Variants in CAMK1D observed in about 807,000 individuals in gnomAD.
The protein encoded by CAMK1D is calcium/calmodulin dependent protein kinase ID.
In CAMK1D, 9 loss-of-function variants were observed where a neutral mutation model predicts 47.7. The observed-to-expected ratio is 0.19, with a 90% CI of 0.11 to 0.33. CAMK1D has a LOEUF of 0.33. Among genes scored for constraint, CAMK1D ranks in the 10% least tolerant of loss-of-function variants. The pLI is 1.00. For missense variants in CAMK1D, 291 were observed against 488.7 expected (o/e 0.60, Z 3.81); for synonymous variants, 184 against 184.9 (o/e 0.99, Z 0.04).
At chr10:12,766,293 C>T (rs1836757618) in intron 4 of CAMK1D, among the ~76,000 whole-genome samples, 1 of 143,568 alleles carries the variant, frequency 7.0e-6, no homozygotes, top group Non-Finnish European at 1.5e-5. Flanking sequence ...CCGTGCCCTG[C>T]CATCCCCACC....
intron 2 of CAMK1D, among the ~76,000 whole-genome samples, chr10:12,646,834 T>A (rs574158697): frequency 6.6e-6 from 1 of 152,218 alleles, no homozygotes; most frequent in South Asian, 2.1e-4. Flanking sequence ...TTTATTTTTA[T>A]TTTTAATTTT....
intron 3 of CAMK1D, among the ~76,000 whole-genome samples, chr10:12,744,740 TAAAAA>T (rs10589773): frequency 7.3e-6 from 1 of 136,616 alleles, no homozygotes; most frequent in African/African-American, 2.6e-5. Context: ...AAATAAAAAT[TAAAAA>T]AAAAAAAAAG....
intron 1 of CAMK1D, among the ~76,000 whole-genome samples, chr10:12,393,397 C>T (rs1430868300): frequency 6.6e-6 from 1 of 152,140 alleles, no homozygotes; most frequent in Non-Finnish European, 1.5e-5. Flanking sequence ...TGGTGCTAGG[C>T]TCTCTGAGAG....
chr10:12,790,414 A>T (rs1837929541), intron 5 of CAMK1D, among the ~76,000 whole-genome samples: 1 of 152,228 alleles, frequency 6.6e-6, no homozygotes, highest in East Asian at 1.9e-4. Flanking sequence ...AGAAGGCCCT[A>T]AACAGAGGCC....
intron 3 of CAMK1D, among the ~76,000 whole-genome samples, chr10:12,747,522 C>T (rs367574643): frequency 2.6e-5 from 4 of 152,034 alleles, no homozygotes; most frequent in Admixed American, 2.6e-4. Context: ...AGGGGCTGGT[C>T]GTGCTATGTT....
intron 3 of CAMK1D, among the ~76,000 whole-genome samples, chr10:12,716,817 G>A (rs901374288): frequency 2.6e-5 from 4 of 152,100 alleles, no homozygotes; most frequent in Non-Finnish European, 4.4e-5. Context: ...ACTGCAATTC[G>A]TGATGGGAGT....
intron 2 of CAMK1D, among the ~76,000 whole-genome samples, chr10:12,645,963 G>T (rs1007018861): frequency 6.9e-6 from 1 of 144,748 alleles, no homozygotes; most frequent in Non-Finnish European, 1.5e-5. Context: ...CTCATAAATG[G>T]CTAGTTGTTT....
chr10:12,768,937 T>C (rs564756008), intron 4 of CAMK1D, among the ~76,000 whole-genome samples: 3 of 152,220 alleles, frequency 2.0e-5, no homozygotes, highest in African/African-American at 7.2e-5. Flanking sequence ...TGCAGAACTG[T>C]AGTGAAGACA....
At chr10:12,711,265 G>A (rs939703509) in intron 3 of CAMK1D, among the ~76,000 whole-genome samples, 2 of 152,142 alleles carry the variant, frequency 1.3e-5, no homozygotes, top group Non-Finnish European at 2.9e-5. Context: ...TGGTCATAGG[G>A]GACTGGAACG....
At chr10:12,439,947 CAAA>C (rs1447308334) in intron 1 of CAMK1D, among the ~76,000 whole-genome samples, 1 of 152,186 alleles carries the variant, frequency 6.6e-6, no homozygotes, top group Non-Finnish European at 1.5e-5. Flanking sequence ...AACCCCTTAT[CAAA>C]CCATCAGATC....
chr10:12,402,563 T>C (rs1181915812), intron 1 of CAMK1D, among the ~76,000 whole-genome samples: 1 of 152,184 alleles, frequency 6.6e-6, no homozygotes, highest in East Asian at 1.9e-4. Flanking sequence ...AACAGAAACA[T>C]GATTAGCTTT....
At chr10:12,597,450 A>G (rs1838176905) in intron 2 of CAMK1D, among the ~76,000 whole-genome samples, 1 of 152,090 alleles carries the variant, frequency 6.6e-6, no homozygotes, top group South Asian at 2.1e-4. Flanking sequence ...GCTGACTCCC[A>G]CAGACACGCT....
intron 3 of CAMK1D, among the ~76,000 whole-genome samples, chr10:12,677,715 TTGTC>T (rs1420513898): frequency 6.6e-6 from 1 of 151,990 alleles, no homozygotes; most frequent in Non-Finnish European, 1.5e-5. Context: ...ATGAGGGGCT[TTGTC>T]TGAGAGGAGG....
At chr10:12,821,138 G>A (rs1345531672) in intron 8 of CAMK1D, among the ~76,000 whole-genome samples, 1 of 152,194 alleles carries the variant, frequency 6.6e-6, no homozygotes, top group Non-Finnish European at 1.5e-5. Context: ...TGCAGCTCGA[G>A]TCCGAAGGCA....
At chr10:12,603,309 G>A (rs948560925) in intron 2 of CAMK1D, among the ~76,000 whole-genome samples, 3 of 152,086 alleles carry the variant, frequency 2.0e-5, no homozygotes, top group East Asian at 3.9e-4. Flanking sequence ...TGCCTGCTGC[G>A]TCCTGCTGGG....
intron 2 of CAMK1D, among the ~76,000 whole-genome samples, chr10:12,562,499 A>G (rs1167166929): frequency 6.6e-6 from 1 of 152,134 alleles, no homozygotes; most frequent in Non-Finnish European, 1.5e-5. Context: ...CACTACCTTA[A>G]TTCCAAAAAG....
At chr10:12,678,371 T>G (rs1276480925) in intron 3 of CAMK1D, among the ~76,000 whole-genome samples, 1 of 152,256 alleles carries the variant, frequency 6.6e-6, no homozygotes, top group Non-Finnish European at 1.5e-5. Context: ...ATTTCAGTCT[T>G]TTAAATTTTA....
At chr10:12,510,648 C>T (rs1835013732) in intron 1 of CAMK1D, among the ~76,000 whole-genome samples, 1 of 152,284 alleles carries the variant, frequency 6.6e-6, no homozygotes, top group South Asian at 2.1e-4. Flanking sequence ...ACCTCCGGGA[C>T]CCCCCTACGA....
At chr10:12,557,695 T>C (rs2815624) in intron 2 of CAMK1D, among the ~76,000 whole-genome samples, 122,174 of 152,080 alleles carry the variant, frequency 0.8, 50,263 homozygotes, top group Non-Finnish European at 0.9. Flanking sequence ...ATTTCCTGAC[T>C]GTTTGTTGAT....
Sources: gnomAD v4.1 joint callset for allele counts (sites outside exome capture counted in the v4.1 genomes callset) on GRCh38, gnomAD v4.1.1 for gene constraint, MANE v1.5 for transcripts, NCBI Gene and HGNC (gene_info 2026-07-23, HGNC 2026-07-21) for gene names.